The following FAT3 variants were observed in gnomAD, a reference collection of about 807,000 sequenced individuals.
FAT3 encodes protocadherin Fat 3.
Under a neutral mutation model 310.2 loss-of-function variants are expected in FAT3, and 95 were observed. The ratio of observed to expected loss-of-function variants is 0.31; its 90% CI spans 0.26 to 0.36. The LOEUF is 0.36. Among genes scored for constraint, FAT3 ranks in the 10% least tolerant of loss-of-function variants. FAT3 has a pLI of 1.00. For missense variants in FAT3, 5,408 were observed against 5,715.6 expected (o/e 0.95, Z 1.74); for synonymous variants, 2,314 against 2,192.9 (o/e 1.06, Z -1.54).
At chr11:92,608,122 T>C (rs1031005251) in intron 3 of FAT3, among the ~76,000 whole-genome samples, 1 of 152,218 alleles carries the variant, frequency 6.6e-6, no homozygotes, top group African/African-American at 2.4e-5. Context: ...AAGATTATGA[T>C]ACACGGATAA....
chr11:92,352,763 T>A lies in FAT3; in HGVS notation c.651T>A (p.Gly217=). The change falls in exon 2 of 28, where the codon GGT becomes GGA. Residue 217 remains glycine (G), a synonymous_variant. Transcript: ENST00000525166. The part of the protein sequence containing the change: ...HPTSGVISLS[G]RLNYDEKNRY... ...CGAGTGGTGTCATCTCCTTAAGTGG[T>A]CGATTAAATTATGATGAAAAGAATA... 1 of 1,613,790 alleles carries A rather than the reference T, an allele frequency of 6.2e-7. No individual in the cohort carries two copies. The highest frequency in any genetic ancestry group is 8.5e-7 in the Non-Finnish European group (1 of 1,179,872).
At chr11:92,239,484 G>A (rs145782262) in intron 1 of FAT3, among the ~76,000 whole-genome samples, 2 of 152,222 alleles carry the variant, frequency 1.3e-5, no homozygotes, top group East Asian at 3.9e-4. Flanking sequence ...TCCTTTCCAG[G>A]CTCTCTGACT....
At chr11:92,681,057 A>G (rs1412555817) in intron 3 of FAT3, among the ~76,000 whole-genome samples, 2 of 152,274 alleles carry the variant, frequency 1.3e-5, no homozygotes, top group African/African-American at 4.8e-5. Context: ...AGTATTTTTT[A>G]TATAGACATT....
chr11:92,864,934 C>T (rs1949201205), intron 21 of FAT3, among the ~76,000 whole-genome samples: 1 of 152,224 alleles, frequency 6.6e-6, no homozygotes, highest in Admixed American at 6.5e-5. Context: ...TATGTTCTAA[C>T]TGTGTATGAT....
chr11:92,771,177 A>T (rs1029261996), intron 6 of FAT3, among the ~76,000 whole-genome samples: 1 of 152,098 alleles, frequency 6.6e-6, no homozygotes, highest in Non-Finnish European at 1.5e-5. Flanking sequence ...TGTTGAGCCT[A>T]ACGCTGCTGC....
chr11:92,592,802 C>G (rs1939505437), intron 3 of FAT3, among the ~76,000 whole-genome samples: 2 of 151,916 alleles, frequency 1.3e-5, no homozygotes, highest in Non-Finnish European at 2.9e-5. Context: ...TTTCTATTGA[C>G]TTTATTTTTT....
At position 92,800,192 on chromosome 11, in the gene FAT3, T is replaced by G; in HGVS notation, c.7179T>G (p.Val2393=). ...YISDVNDNPP[V]FNQLIYESYV... ...CTGATGTAAATGACAACCCTCCAGT[T>G]TTTAATCAGCTCATTTATGAGTCAT... is the stretch of plus-strand genomic sequence containing the variant. Residue 2393 remains valine, a synonymous_variant, in exon 10 of 28, where the codon GTT becomes GTG. Coordinates refer to ENST00000525166, the MANE Select transcript of FAT3 (RefSeq NM_001367949.2). The G allele has an allele frequency of 6.2e-7, 1 of 1,613,966 alleles. No individual in the cohort carries two copies. Among genetic ancestry groups the G allele is most frequent in the Non-Finnish European group, 8.5e-7 (1 of 1,179,874 alleles).
chr11:92,859,401 A>G, intron 21 of FAT3, 79 bp downstream of exon 21: 2 of 1,366,224 alleles, frequency 1.5e-6, no homozygotes, highest in Non-Finnish European at 1.9e-6. Flanking sequence ...AACGGCTGAA[A>G]TCATTTTGTC....
chr11:92,806,874 G>A (rs549035979), intron 12 of FAT3, among the ~76,000 whole-genome samples: 1 of 152,184 alleles, frequency 6.6e-6, no homozygotes, highest in East Asian at 1.9e-4. Context: ...ATAATCTGGA[G>A]GGCATCCATT....
intron 1 of FAT3, among the ~76,000 whole-genome samples, chr11:92,266,513 T>A (rs1945956252): frequency 1.3e-5 from 2 of 152,156 alleles, no homozygotes; most frequent in African/African-American, 4.8e-5. Context: ...TCTAGGGTGT[T>A]TTCATTCCTT....
chr11:92,652,385 A>G (rs896414438), intron 3 of FAT3, among the ~76,000 whole-genome samples: 1 of 152,258 alleles, frequency 6.6e-6, no homozygotes, highest in Non-Finnish European at 1.5e-5. Flanking sequence ...ATTTAATTTC[A>G]CTGTTCTTTT....
chr11:92,433,148 C>T (rs1033413434), intron 2 of FAT3, among the ~76,000 whole-genome samples: 3 of 152,220 alleles, frequency 2.0e-5, no homozygotes, highest in Admixed American at 6.5e-5. Context: ...AATTTCAAGG[C>T]AGTGGATCTT....
At chr11:92,693,410 C>A (rs1943850866) in intron 3 of FAT3, among the ~76,000 whole-genome samples, 1 of 152,114 alleles carries the variant, frequency 6.6e-6, no homozygotes, top group South Asian at 2.1e-4. Context: ...GGGTTGCCTT[C>A]CCCAGTGATG....
chr11:92,348,096 A>G (rs1948463768), intron 1 of FAT3, among the ~76,000 whole-genome samples: 1 of 152,178 alleles, frequency 6.6e-6, no homozygotes, highest in African/African-American at 2.4e-5. Flanking sequence ...ATCAGTGGGA[A>G]AACTGCAAGG....
chr11:92,354,641 T>G lies in FAT3; in HGVS notation c.2529T>G (p.Ser843Arg), dbSNP rs1948678915. Residue 843 changes from serine to arginine, a missense_variant, in exon 2 of 28, where the codon AGT becomes AGG. Around this residue, in one of 5 missense-constraint regions of FAT3, gnomAD observed 4,588 missense variants for 4,809.8 expected, o/e 0.95. Transcript: ENST00000525166. ...QDSYSVNILE[S>R]SGIGTEIIQV... Reference sequence around the variant, plus strand: ...GTTACTCAGTTAACATTCTTGAAAGTTCAGGCATTGGTACTGAAATCATTC... The same window carrying G: ...GTTACTCAGTTAACATTCTTGAAAGGTCAGGCATTGGTACTGAAATCATTC... 6.2e-7 allele frequency: 1 copy of G among 1,613,728 alleles called. No homozygotes were observed. The highest frequency in any genetic ancestry group is 1.7e-5 in the Admixed American group (1 of 59,912).
chr11:92,391,808 T>C (rs1178233609), intron 2 of FAT3, among the ~76,000 whole-genome samples: 1 of 152,192 alleles, frequency 6.6e-6, no homozygotes, highest in East Asian at 1.9e-4. Context: ...CCGTGTTTCC[T>C]CATAGTTGTA....
intron 2 of FAT3, among the ~76,000 whole-genome samples, chr11:92,459,063 G>T (rs1951571740): frequency 6.6e-6 from 1 of 152,164 alleles, no homozygotes; most frequent in Non-Finnish European, 1.5e-5. Context: ...ATGCAGTTAT[G>T]ATCCTTTACC....
intron 3 of FAT3, 70 bp from the exon 4 acceptor site, chr11:92,697,314 T>C (rs1943971523): frequency 7.0e-7 from 1 of 1,425,668 alleles, no homozygotes; most frequent in African/African-American, 1.4e-5. Context: ...TTAACTGGAC[T>C]TGTTTCCCCA....
At chr11:92,617,625 T>G (rs535214196) in intron 3 of FAT3, among the ~76,000 whole-genome samples, 1 of 152,278 alleles carries the variant, frequency 6.6e-6, no homozygotes, top group African/African-American at 2.4e-5. Context: ...TTATCTACCT[T>G]TGGTCTTTGA....
Sources: gnomAD v4.1 joint callset for allele counts (sites outside exome capture counted in the v4.1 genomes callset) on GRCh38, gnomAD v4.1.1 for gene constraint, gnomAD v4.1.1 regional missense constraint, MANE v1.5 for transcripts, NCBI Gene and HGNC (gene_info 2026-07-23, HGNC 2026-07-21) for gene names.